The following KRT7 variants were observed in gnomAD, a reference collection of about 807,000 sequenced individuals.
KRT7 encodes the protein keratin, type II cytoskeletal 7.
KRT7 carries 50 observed loss-of-function variants against 42.8 expected under a neutral mutation model. The ratio of observed to expected loss-of-function variants is 1.17; its 90% CI spans 0.93 to 1.48. The LOEUF (loss-of-function observed/expected upper bound fraction) is 1.48. Among genes scored for constraint, KRT7 ranks in the 40% most tolerant of loss-of-function variants. The pLI, the probability that KRT7 is intolerant of heterozygous loss-of-function variation, is 0.00. For missense variants in KRT7, 588 were observed against 637.6 expected, an observed-to-expected ratio of 0.92 and a Z score of 0.84; for synonymous variants, 268 against 266.3, an observed-to-expected ratio of 1.01 and a Z score of -0.06.
chr12:52,248,675 G>A lies in KRT7; in HGVS notation c.1325G>A (p.Ser442Asn), dbSNP rs751911472. 2.5e-6 allele frequency: 4 copies of A among 1,613,348 alleles called. No individual in the cohort carries two copies. Among genetic ancestry groups the A allele is most frequent in the Non-Finnish European group, 3.4e-6 (4 of 1,179,684 alleles). ...LGGTMGSNAL[S>N]FSSSAGPGLL... ...GGAACCATGGGCAGCAATGCCCTGAGCTTCTCCAGCAGTGCGGGTCCTGGG... is the reference window on the plus strand; with the variant it reads ...GGAACCATGGGCAGCAATGCCCTGAACTTCTCCAGCAGTGCGGGTCCTGGG... Residue 442 changes from serine (S) to asparagine (N), a missense_variant, in exon 9 of 9, where the codon AGC becomes AAC. By Grantham distance (46) the Ser-to-Asn change is conservative (BLOSUM62 1). Transcript: ENST00000331817.
intron 7 of KRT7, chr12:52,246,218 G>A (rs74093366): frequency 0.024 from 3,679 of 152,754 alleles, 151 homozygotes; most frequent in African/African-American, 0.084. Flanking sequence ...TTCATGAACC[G>A]CATGCCACCT....
intron 8 of KRT7, 62 bp downstream of exon 8, chr12:52,248,273 T>C: frequency 6.4e-7 from 1 of 1,550,840 alleles, no homozygotes; most frequent in Non-Finnish European, 8.9e-7. Context: ...GGGCTGGGTC[T>C]AGAGAATGGC....
Position 52,244,629 on chromosome 12 carries a change from T to A in KRT7, c.985-783T>A. 3 of 983,798 alleles carry A rather than the reference T, an allele frequency of 3.0e-6. No homozygotes were observed. The South Asian group carries it at 1.4e-4, about 46-fold the overall frequency. 60.9% of individuals were successfully genotyped at this position (983,798 alleles called of 1,614,324 possible). ...AATGGCCGGTAAGAAGGGAGAGAAGTCCTTGCCCAGGGGACAGGGATGGTG... is the reference window on the plus strand; with the variant it reads ...AATGGCCGGTAAGAAGGGAGAGAAGACCTTGCCCAGGGGACAGGGATGGTG... On this transcript the variant is annotated intron_variant, in intron 6 of 8. Transcript: ENST00000331817.
At chr12:52,242,542 TAGAG>T (rs1942108026) in intron 5 of KRT7, among the ~76,000 whole-genome samples, 2 of 152,162 alleles carry the variant, frequency 1.3e-5, no homozygotes, top group African/African-American at 2.4e-5. Context: ...CCTGCAGAGA[TAGAG>T]AGTCATTCAT....
At chr12:52,252,431 C>T (rs200272964), downstream of KRT7, 110 of 1,614,012 alleles carry the variant, frequency 6.8e-5, 1 homozygote, top group East Asian at 1.2e-3. Context: ...CACTGAGGGC[C>T]GCCTCACCCT....
At chr12:52,255,543 A>T (rs1049329525), downstream of KRT7, 9 of 417,032 alleles carry the variant, frequency 2.2e-5, no homozygotes, top group Non-Finnish European at 3.9e-5. Flanking sequence ...GACTGAAGGG[A>T]ACTTGTCCAT....
Position 52,247,032 on chromosome 12 carries a change from G to A in KRT7, c.1206-1145G>A, listed in dbSNP as rs546630667. ...AGGCTTAGATCCGGGTACTCTGAGA[G>A]GATATGGTTCCCCCAACCCTGGGGG... On this transcript the variant is annotated intron_variant, in intron 7 of 8. Transcript: ENST00000331817. 2.6e-5 allele frequency: 4 copies of A among 152,248 alleles called. No individual in the cohort carries two copies. The East Asian group carries it at 7.7e-4, about 29-fold the overall frequency. The allele number at this position is 152,248 out of a possible 1,614,324, so 9.4% of individuals were successfully genotyped here.
rs778408933 is a variant in KRT7, at chr12:52,233,497, C to A, written c.201C>A (p.Thr67=). The change falls in exon 1 of 9, where the codon ACC becomes ACA. Residue 67 remains threonine, a synonymous_variant. Transcript: ENST00000331817. ...TGGGCGCCGGCATCCGCGAGGTCAC[C>A]ATTAACCAGAGCCTGCTGGCCCCGC... ...GPVGAGIREV[T]INQSLLAPLR... The A allele has an allele frequency of 6.1e-5, 98 of 1,612,260 alleles. 1 individual carries two copies. The highest frequency in any genetic ancestry group is 8.2e-5 in the Non-Finnish European group (97 of 1,179,718).
intron 2 of KRT7, 58 bp from the exon 3 acceptor site, chr12:52,237,451 G>C: frequency 1.6e-6 from 2 of 1,264,574 alleles, no homozygotes; most frequent in East Asian, 4.9e-5. Context: ...ATATGGCGGA[G>C]GGGGGACGGG....
In KRT7 at chr12:52,238,732, C is replaced by A; in HGVS notation, c.650C>A (p.Ala217Asp). 1 of 1,613,976 alleles carries A rather than the reference C, an allele frequency of 6.2e-7. No individual in the cohort carries two copies. The highest frequency in any genetic ancestry group is 1.1e-5 in the South Asian group (1 of 91,076). ...SKVELEAKVD[A>D]LNDEINFLRT... Reference sequence around the variant, plus strand: ...GTGGAGCTGGAGGCCAAGGTGGATGCCCTGAATGATGAGATCAACTTCCTC... The same window carrying A: ...GTGGAGCTGGAGGCCAAGGTGGATGACCTGAATGATGAGATCAACTTCCTC... Residue 217 changes from alanine (A) to aspartate (D), a missense_variant, in exon 4 of 9, where the codon GCC (alanine) becomes GAC (aspartate). By Grantham distance (126) the Ala-to-Asp change is moderately radical. Transcript: ENST00000331817.
downstream of KRT7, among the ~76,000 whole-genome samples, chr12:52,254,661 A>T (rs1942315604): frequency 2.0e-5 from 3 of 152,154 alleles, no homozygotes. Flanking sequence ...AAAACTTAAG[A>T]TCTGGTGTAC....
At chr12:52,240,184 CACAT>C (rs1296845970) in intron 4 of KRT7, among the ~76,000 whole-genome samples, 123 of 149,560 alleles carry the variant, frequency 8.2e-4, no homozygotes, top group African/African-American at 2.9e-3. Context: ...CACACACACA[CACAT>C]ATATATAAAG....
At chr12:52,247,195 C>T (rs1942186359) in intron 7 of KRT7, 1 of 152,186 alleles carries the variant, frequency 6.6e-6, no homozygotes, top group African/African-American at 2.4e-5. Flanking sequence ...AGAAAAGTCA[C>T]ACAGATCACT....
chr12:52,239,356 C>T (rs924726933), intron 4 of KRT7, among the ~76,000 whole-genome samples: 1 of 152,186 alleles, frequency 6.6e-6, no homozygotes, highest in Non-Finnish European at 1.5e-5. Context: ...CAGGCACTGG[C>T]TATTCAAGCA....
chr12:52,250,930 T>C (rs1942257344), downstream of KRT7, among the ~76,000 whole-genome samples: 1 of 152,238 alleles, frequency 6.6e-6, no homozygotes, highest in Admixed American at 6.5e-5. Context: ...CTACATGTTG[T>C]AGCCTACTAC....
At chr12:52,234,062 G>C (rs547101560) in intron 1 of KRT7, among the ~76,000 whole-genome samples, 18 of 135,850 alleles carry the variant, frequency 1.3e-4, no homozygotes, top group African/African-American at 4.6e-4. Flanking sequence ...GGAGACCCAG[G>C]CTCTCTCAGA....
downstream of KRT7, chr12:52,252,429 G>A (rs543320489): frequency 6.8e-6 from 11 of 1,614,164 alleles, no homozygotes; most frequent in African/African-American, 2.7e-5. Flanking sequence ...ATCACTGAGG[G>A]CCGCCTCACC....
chr12:52,234,086 G>A (rs1391123583), intron 1 of KRT7, among the ~76,000 whole-genome samples: 2 of 138,234 alleles, frequency 1.4e-5, no homozygotes, highest in African/African-American at 2.7e-5. Flanking sequence ...TGATGCGGAT[G>A]CAGATGCTGG....
rs1565720201 is a variant in KRT7 at position 52,243,004 on chromosome 12, C to T, written c.859-8C>T. 3 of 1,609,842 alleles carry T rather than the reference C, an allele frequency of 1.9e-6. No individual in the cohort carries two copies. The highest frequency in any genetic ancestry group is 2.5e-6 in the Non-Finnish European group (3 of 1,177,950). ...TCTCTGCCATAACTCTCTGTATGGCCCCTCCAGTTTGAGACCCTCCAGGCC... is the reference window on the plus strand; with the variant it reads ...TCTCTGCCATAACTCTCTGTATGGCTCCTCCAGTTTGAGACCCTCCAGGCC... On this transcript the variant is annotated splice_polypyrimidine_tract_variant and splice_region_variant and intron_variant, in intron 5 of 8. Coordinates refer to ENST00000331817, the MANE Select transcript of KRT7 (RefSeq NM_005556.4).
Sources: allele counts gnomAD v4.1 joint callset (sites outside exome capture counted in the v4.1 genomes callset), GRCh38; gene constraint gnomAD v4.1.1; transcripts MANE v1.5; gene names NCBI Gene and HGNC (gene_info 2026-07-23, HGNC 2026-07-21).